BTBD10: variants seen among roughly 807,000 people sequenced by gnomAD.
BTBD10 encodes BTB/POZ domain-containing protein 10.
BTBD10 carries 21 observed loss-of-function variants against 53.2 expected under a neutral mutation model. The ratio of observed to expected loss-of-function variants is 0.39; its 90% CI spans 0.28 to 0.57. BTBD10 has a LOEUF of 0.57. Among genes scored for constraint, BTBD10 ranks in the 20% least tolerant of loss-of-function variants. BTBD10 has a pLI of 0.53. For synonymous variants in BTBD10, 149 were observed against 192.7 expected (o/e 0.77, Z 1.88); for missense variants, 360 against 594.7 (o/e 0.61, Z 4.10).
chr11:13,413,665 G>A lies in BTBD10; in HGVS notation c.688-15C>T. The A allele has an allele frequency of 5.6e-6, 9 of 1,601,072 alleles. No individual in the cohort carries two copies. Among genetic ancestry groups the A allele is most frequent in the Non-Finnish European group, 7.7e-6 (9 of 1,175,002 alleles). Reference sequence around the variant, plus strand: ...TTATAGTAATCCTGGAAAAAGAAAAGTAAAGAAAGCATAAAATATCTGGAG... The same window carrying A: ...TTATAGTAATCCTGGAAAAAGAAAAATAAAGAAAGCATAAAATATCTGGAG... On this transcript the variant is annotated splice_polypyrimidine_tract_variant and intron_variant, in intron 5 of 8. Transcript: ENST00000278174.
At chr11:13,405,019 T>G (rs527778500) in intron 7 of BTBD10, among the ~76,000 whole-genome samples, 48 of 152,172 alleles carry the variant, frequency 3.2e-4, no homozygotes, top group African/African-American at 1.0e-3. Context: ...TCTTCCTTAT[T>G]TATAAAACTG....
At chr11:13,461,904 C>T (rs1951106992) in intron 1 of BTBD10, among the ~76,000 whole-genome samples, 1 of 150,632 alleles carries the variant, frequency 6.6e-6, no homozygotes, top group South Asian at 2.1e-4. Context: ...AACACATTTA[C>T]ATCATCAGAA....
At chr11:13,454,420 A>G (rs1387359622) in intron 1 of BTBD10, among the ~76,000 whole-genome samples, 2 of 152,238 alleles carry the variant, frequency 1.3e-5, no homozygotes, top group Non-Finnish European at 2.9e-5. Context: ...GCCTATTTAA[A>G]TCTCACAGAA....
chr11:13,406,427 TTTTTC>T (rs1949829730), intron 6 of BTBD10, among the ~76,000 whole-genome samples: 1 of 152,144 alleles, frequency 6.6e-6, no homozygotes. Context: ...CTGCACTGCT[TTTTTC>T]TTTTATTTCT....
At chr11:13,460,082 A>G (rs142040859) in intron 1 of BTBD10, among the ~76,000 whole-genome samples, 3 of 152,264 alleles carry the variant, frequency 2.0e-5, no homozygotes, top group South Asian at 2.1e-4. Context: ...TTCATTTCCT[A>G]TTTCAGAGAG....
intron 3 of BTBD10, among the ~76,000 whole-genome samples, chr11:13,420,710 T>C (rs1339909480): frequency 2.6e-5 from 4 of 152,186 alleles, no homozygotes; most frequent in African/African-American, 4.8e-5. Context: ...TCTCCAGAGA[T>C]ACTCTGACAC....
At chr11:13,448,464 G>A (rs930449565) in intron 1 of BTBD10, among the ~76,000 whole-genome samples, 4 of 151,988 alleles carry the variant, frequency 2.6e-5, no homozygotes, top group Non-Finnish European at 5.9e-5. Flanking sequence ...TATTTAACAG[G>A]CACCCCAACT....
At chr11:13,441,666 A>G (rs1286208640) in intron 2 of BTBD10, among the ~76,000 whole-genome samples, 2 of 152,152 alleles carry the variant, frequency 1.3e-5, no homozygotes, top group Non-Finnish European at 2.9e-5. Context: ...AAAAAAATCA[A>G]AAGTACAAGA....
At position 13,421,625 on chromosome 11, in the gene BTBD10, T is replaced by C. The variant is rs566070256; in HGVS notation, c.298+17A>G. The C allele has an allele frequency of 3.8e-6, 6 of 1,599,260 alleles. No individual in the cohort carries two copies. In the South Asian group the frequency reaches 4.4e-5, roughly 12 times the overall value. On this transcript the variant is annotated intron_variant, in intron 3 of 8. Transcript: ENST00000278174. ...TGTTTTTAAGAACTGTTAGGAAGGTTAGTTGATTTTACATACCAACATGGT... is the reference window on the plus strand; with the variant it reads ...TGTTTTTAAGAACTGTTAGGAAGGTCAGTTGATTTTACATACCAACATGGT...
intron 8 of BTBD10, among the ~76,000 whole-genome samples, chr11:13,389,354 TACTC>T (rs1158653058): frequency 1.3e-5 from 2 of 152,114 alleles, no homozygotes; most frequent in Non-Finnish European, 2.9e-5. Context: ...TTCTTTCAAT[TACTC>T]AATATATCAA....
chr11:13,456,602 AT>A (rs1565275634), intron 1 of BTBD10, among the ~76,000 whole-genome samples: 1 of 152,182 alleles, frequency 6.6e-6, no homozygotes, highest in Admixed American at 6.5e-5. Context: ...AAAACAAGTA[AT>A]TTTTTTAAAA....
At chr11:13,437,096 A>C (rs1011272657) in intron 2 of BTBD10, among the ~76,000 whole-genome samples, 1 of 152,208 alleles carries the variant, frequency 6.6e-6, no homozygotes, top group Non-Finnish European at 1.5e-5. Context: ...GATTTCTCTT[A>C]AATTCTTAGT....
chr11:13,391,624 C>T (rs536510885), intron 8 of BTBD10, among the ~76,000 whole-genome samples: 1 of 152,306 alleles, frequency 6.6e-6, no homozygotes, highest in South Asian at 2.1e-4. Context: ...CAGGATATGC[C>T]AGTTATAAGT....
intron 2 of BTBD10, among the ~76,000 whole-genome samples, chr11:13,425,819 TTG>T (rs1436955464): frequency 2.0e-5 from 3 of 152,178 alleles, no homozygotes; most frequent in African/African-American, 7.2e-5. Flanking sequence ...TATACATGTA[TTG>T]AAATATCACT....
rs1334237513 is a variant in BTBD10, at chr11:13,421,855, G to A, written c.102-17C>T. Reference sequence around the variant, plus strand: ...GAGGAAGTACTGATAAGTTAGAAAGGAAAATTAACCATAAAAGCAGAACAT... The same window carrying A: ...GAGGAAGTACTGATAAGTTAGAAAGAAAAATTAACCATAAAAGCAGAACAT... On this transcript the variant is annotated splice_polypyrimidine_tract_variant and intron_variant, in intron 2 of 8. Coordinates refer to ENST00000278174, the MANE Select transcript of BTBD10 (RefSeq NM_032320.7). 3 of 1,571,764 alleles carry A rather than the reference G, an allele frequency of 1.9e-6. No homozygotes were observed. Among genetic ancestry groups the A allele is most frequent in the African/African-American group, 1.4e-5 (1 of 73,664 alleles).
intron 2 of BTBD10, among the ~76,000 whole-genome samples, chr11:13,424,571 T>C (rs1950301876): frequency 6.6e-6 from 1 of 152,016 alleles, no homozygotes. Flanking sequence ...CAAAAGAAAA[T>C]GAGGATGAGC....
At chr11:13,440,839 C>A (rs1255836972) in intron 2 of BTBD10, among the ~76,000 whole-genome samples, 5 of 152,162 alleles carry the variant, frequency 3.3e-5, no homozygotes, top group Admixed American at 2.0e-4. Context: ...AGTGTATCAT[C>A]TATCTAGACA....
intron 1 of BTBD10, among the ~76,000 whole-genome samples, chr11:13,456,001 T>G (rs1591176890): frequency 6.6e-6 from 1 of 152,294 alleles, no homozygotes; most frequent in East Asian, 1.9e-4. Flanking sequence ...CTTTCCATTA[T>G]CACAACAGTG....
chr11:13,388,922 G>C lies in BTBD10; in HGVS notation c.1337C>G (p.Thr446Ser), dbSNP rs756743706. The C allele has an allele frequency of 4.3e-6, 7 of 1,614,232 alleles. No homozygotes were observed. In the South Asian group the frequency reaches 7.7e-5, roughly 18 times the overall value. The change falls in exon 9 of 9, where the codon ACT becomes AGT. Residue 446 changes from threonine (T) to serine (S), a missense_variant. Transcript: ENST00000278174. ...AATATCCAGCTCATCCACTTGTGGA[G>C]TTGGATGCATGACTACCAGCTGGTC... ...PQDQLVVMHP[T>S]PQVDELDILP...
Sources: allele counts gnomAD v4.1 joint callset (sites outside exome capture counted in the v4.1 genomes callset), GRCh38; gene constraint gnomAD v4.1.1; transcripts MANE v1.5; gene names NCBI Gene and HGNC (gene_info 2026-07-23, HGNC 2026-07-21).